The following ADAMTS2 variants were observed in gnomAD, a reference collection of about 807,000 sequenced individuals.
ADAMTS2 encodes ADAM metallopeptidase with thrombospondin type 1 motif 2.
Under a neutral mutation model 123.0 loss-of-function variants are expected in ADAMTS2, and 50 were observed. That is an observed-to-expected ratio of 0.41 (90% CI 0.32 to 0.51). The LOEUF is 0.51. Among genes scored for constraint, ADAMTS2 ranks in the 20% least tolerant of loss-of-function variants. The pLI is 0.35. For synonymous variants in ADAMTS2, 678 were observed against 695.4 expected (o/e 0.98, Z 0.39); for missense variants, 1,494 against 1,705.2 (o/e 0.88, Z 2.18).
At chr5:179,135,779 G>T in intron 13 of ADAMTS2, 130 bp downstream of exon 13, 1 of 1,395,090 alleles carries the variant, frequency 7.2e-7, no homozygotes, top group Non-Finnish European at 9.8e-7. Flanking sequence ...GCCCTGGTCC[G>T]GGCATTGTTT....
At position 179,332,863 on chromosome 5, in the gene ADAMTS2, C is replaced by A. The variant is rs1757517195; in HGVS notation, c.534+10904G>T. Among the ~76,000 whole-genome samples, 2 of 152,182 alleles carry A rather than the reference C, an allele frequency of 1.3e-5. No individual in the cohort carries two copies. Among genetic ancestry groups the A allele is most frequent in the African/African-American group, 4.8e-5 (2 of 41,462 alleles). On this transcript the variant is annotated intron_variant, in intron 2 of 21. Transcript: ENST00000251582. The surrounding 1 kb of genome is among the most constrained non-coding windows in gnomAD (Gnocchi z 4.2). ...AGGAGGATGCCTACCACTGCCCCCA[C>A]CTTGCCCTGATCAGGTCTGCAGGAT...
At chr5:179,168,566 T>C (rs998248049) in intron 5 of ADAMTS2, among the ~76,000 whole-genome samples, 47 of 152,348 alleles carry the variant, frequency 3.1e-4, no homozygotes, top group Non-Finnish European at 5.4e-4. Context: ...GAAGAAGCTC[T>C]ACAAACAGTC....
chr5:179,216,927 T>A (rs1413755662), intron 3 of ADAMTS2, among the ~76,000 whole-genome samples: 2 of 152,192 alleles, frequency 1.3e-5, no homozygotes, highest in Non-Finnish European at 2.9e-5. Context: ...AAGAGCACCA[T>A]GCGGCTCATA....
rs2113577365 is a variant in ADAMTS2 at position 179,312,380 on chromosome 5, G to A, written c.534+31387C>T. The stretch of plus-strand genomic sequence containing the variant: ...CACCAGATTCCATCCACACGAATGG[G>A]ATTTGTGCCCCGATCAGAGGGACCC... On this transcript the variant is annotated intron_variant, in intron 2 of 21. Coordinates refer to ENST00000251582, the MANE Select transcript of ADAMTS2 (RefSeq NM_014244.5). This position sits in a 1 kb window ranked among gnomAD's most constrained non-coding sequence, Gnocchi z 4.2. Among the ~76,000 whole-genome samples the A allele has an allele frequency of 6.6e-6, 1 of 152,296 alleles. No individual in the cohort carries two copies. The highest frequency in any genetic ancestry group is 1.5e-5 in the Non-Finnish European group (1 of 68,032).
chr5:179,240,983 C>T (rs467604), intron 3 of ADAMTS2, among the ~76,000 whole-genome samples: 92,011 of 152,056 alleles, frequency 0.61, 28,946 homozygotes, highest in African/African-American at 0.66. Context: ...GATTTCCGGT[C>T]TTGTGAAAGA....
chr5:179,140,421 G>C (rs776114144), intron 10 of ADAMTS2, among the ~76,000 whole-genome samples: 4 of 152,172 alleles, frequency 2.6e-5, no homozygotes, highest in Admixed American at 2.6e-4. Flanking sequence ...GACATACAAG[G>C]TTTATTTAAG....
intron 2 of ADAMTS2, among the ~76,000 whole-genome samples, chr5:179,294,362 A>T (rs1372133597): frequency 6.6e-6 from 1 of 152,246 alleles, no homozygotes; most frequent in Non-Finnish European, 1.5e-5. Flanking sequence ...AATTATTTTT[A>T]ATGAATGCCC....
chr5:179,201,252 A>T (rs1764557247), intron 4 of ADAMTS2, among the ~76,000 whole-genome samples: 1 of 152,234 alleles, frequency 6.6e-6, no homozygotes, highest in Non-Finnish European at 1.5e-5. Flanking sequence ...GCTTAAGGAA[A>T]TAAGTAAGCA....
intron 10 of ADAMTS2, chr5:179,151,096 C>T: frequency 2.8e-6 from 1 of 361,688 alleles, no homozygotes; most frequent in Admixed American, 3.0e-5. Flanking sequence ...GGGATTTTGC[C>T]ATGTTAACCA....
chr5:179,323,359 G>A (rs1757235938), intron 2 of ADAMTS2, among the ~76,000 whole-genome samples: 1 of 152,262 alleles, frequency 6.6e-6, no homozygotes, highest in African/African-American at 2.4e-5. Flanking sequence ...CCCAAGCTAA[G>A]GACAGAGAGA....
At chr5:179,208,148 T>G (rs1764759404) in intron 3 of ADAMTS2, among the ~76,000 whole-genome samples, 1 of 150,792 alleles carries the variant, frequency 6.6e-6, no homozygotes, top group Admixed American at 6.6e-5. Context: ...GAGCCACCCC[T>G]TGCCCACACT....
chr5:179,150,044 T>G (rs1763325070), intron 10 of ADAMTS2, among the ~76,000 whole-genome samples: 1 of 152,164 alleles, frequency 6.6e-6, no homozygotes, highest in Non-Finnish European at 1.5e-5. Flanking sequence ...TCTGCCCCAC[T>G]TCTACCTTGC....
intron 2 of ADAMTS2, among the ~76,000 whole-genome samples, chr5:179,311,977 G>A (rs570258528): frequency 6.6e-6 from 1 of 152,322 alleles, no homozygotes; most frequent in South Asian, 2.1e-4. Flanking sequence ...AATGACAGCA[G>A]TGGGGAGGAG....
At position 179,144,583 on chromosome 5, in the gene ADAMTS2, G is replaced by T. The variant is rs1267199988; in HGVS notation, c.1630-4548C>A. On this transcript the variant is annotated intron_variant, in intron 10 of 21. Coordinates refer to ENST00000251582, the MANE Select transcript of ADAMTS2 (RefSeq NM_014244.5). ...GACAGACAAATATACCGACGGAATA[G>T]AACAAAAGCCTAGAACTAAACCTTT... is the stretch of plus-strand genomic sequence containing the variant. 2.6e-5 allele frequency among the ~76,000 whole-genome samples: 4 copies of T among 152,186 alleles called. No individual in the cohort carries two copies. In the East Asian group the frequency reaches 5.8e-4, roughly 22 times the overall value.
chr5:179,157,895 T>C (rs1409897849), intron 6 of ADAMTS2, among the ~76,000 whole-genome samples: 1 of 152,230 alleles, frequency 6.6e-6, no homozygotes, highest in Non-Finnish European at 1.5e-5. Context: ...GTGCCTTTAA[T>C]GCACAAACTT....
chr5:179,139,025 A>G (rs1763114913), intron 11 of ADAMTS2, among the ~76,000 whole-genome samples: 1 of 152,236 alleles, frequency 6.6e-6, no homozygotes, highest in Admixed American at 6.5e-5. Flanking sequence ...CAATATTTTC[A>G]GGCAAATCAA....
At chr5:179,311,549 C>T (rs1286576388) in intron 2 of ADAMTS2, among the ~76,000 whole-genome samples, 1 of 152,210 alleles carries the variant, frequency 6.6e-6, no homozygotes, top group Non-Finnish European at 1.5e-5. Flanking sequence ...CTTGTAAGAT[C>T]CAGTTTATCA....
chr5:179,118,875 C>G lies in ADAMTS2; in HGVS notation c.3178+2786G>C, dbSNP rs1444190276. ...TAAAGGGAACTAGGAAGGGACCGCT[C>G]AGTGCAGTGCAGCCCCAGCTATGTT... On this transcript the variant is annotated intron_variant, in intron 21 of 21. Transcript: ENST00000251582. The surrounding 1 kb of genome is among the most constrained non-coding windows in gnomAD (Gnocchi z 4.5). Among the ~76,000 whole-genome samples the G allele has an allele frequency of 6.6e-6, 1 of 152,204 alleles. No homozygotes were observed. Among genetic ancestry groups the G allele is most frequent in the Admixed American group, 6.5e-5 (1 of 15,286 alleles).
intron 10 of ADAMTS2, among the ~76,000 whole-genome samples, chr5:179,146,048 T>C (rs746884411): frequency 1.6e-4 from 25 of 152,102 alleles, no homozygotes; most frequent in Non-Finnish European, 3.2e-4. Context: ...AGAGACAGGG[T>C]TTCACCATGT....
Sources: allele counts gnomAD v4.1 joint callset (sites outside exome capture counted in the v4.1 genomes callset), GRCh38; gene constraint gnomAD v4.1.1; non-coding constraint Gnocchi (gnomAD v3.1); transcripts MANE v1.5; gene names NCBI Gene and HGNC (gene_info 2026-07-23, HGNC 2026-07-21).